The following ITGA9 variants were observed in gnomAD, a reference collection of about 807,000 sequenced individuals.
The protein encoded by ITGA9 is integrin subunit alpha 9, also known as integrin alpha-9.
In ITGA9, 56 loss-of-function variants were observed where a neutral mutation model predicts 127.8. The observed-to-expected ratio is 0.44, with a 90% CI of 0.35 to 0.55. ITGA9 has a LOEUF of 0.55. Among genes scored for constraint, ITGA9 ranks in the 20% least tolerant of loss-of-function variants. The pLI, the probability that ITGA9 is intolerant of heterozygous loss-of-function variation, is 0.00. For missense variants in ITGA9, 1,196 were observed against 1,347.1 expected, an observed-to-expected ratio of 0.89 and a Z score of 1.76; for synonymous variants, 508 against 514.5, an observed-to-expected ratio of 0.99 and a Z score of 0.17.
At chr3:37,500,268 A>G (rs1474234829) in intron 5 of ITGA9, among the ~76,000 whole-genome samples, 1 of 152,192 alleles carries the variant, frequency 6.6e-6, no homozygotes, top group Non-Finnish European at 1.5e-5. Flanking sequence ...TTCCCAGTGG[A>G]GCGTCCTGAC....
chr3:37,523,632 G>A (rs1699065864), intron 12 of ITGA9, 21 bp downstream of exon 12: 1 of 1,521,250 alleles, frequency 6.6e-7, no homozygotes, highest in South Asian at 1.1e-5. Context: ...TTTCTTTAAA[G>A]GCACATGAGA....
At chr3:37,804,153 A>G (rs1250296026) in intron 27 of ITGA9, among the ~76,000 whole-genome samples, 2 of 152,182 alleles carry the variant, frequency 1.3e-5, no homozygotes, top group Admixed American at 6.5e-5. Context: ...AGTGAAGGCA[A>G]AAGTCTCAGT....
chr3:37,630,018 C>T (rs796765916), intron 16 of ITGA9, among the ~76,000 whole-genome samples: 1 of 152,182 alleles, frequency 6.6e-6, no homozygotes, highest in African/African-American at 2.4e-5. Context: ...TTTCTTGAAA[C>T]CCAAGATCAC....
chr3:37,817,791 G>A (rs1697454062), intron 27 of ITGA9, among the ~76,000 whole-genome samples: 1 of 152,154 alleles, frequency 6.6e-6, no homozygotes, highest in South Asian at 2.1e-4. Context: ...CTAGACACTT[G>A]TCTTACCATA....
intron 27 of ITGA9, chr3:37,807,067 AGGAGGAG>A (rs1697307906): frequency 2.6e-5 from 4 of 152,270 alleles, no homozygotes; most frequent in Admixed American, 2.6e-4. Context: ...CTTGCCCCCA[AGGAGGAG>A]GGAGGATTAA....
At chr3:37,647,910 TTATC>T (rs1700394477) in intron 16 of ITGA9, among the ~76,000 whole-genome samples, 1 of 152,156 alleles carries the variant, frequency 6.6e-6, no homozygotes, top group South Asian at 2.1e-4. Flanking sequence ...CACAATTTCT[TTATC>T]CATTCACCTG....
At chr3:37,514,537 G>A (rs1298737016) in intron 9 of ITGA9, among the ~76,000 whole-genome samples, 1 of 152,126 alleles carries the variant, frequency 6.6e-6, no homozygotes, top group Non-Finnish European at 1.5e-5. Flanking sequence ...CAGCATGGGG[G>A]GGCAGGGGAC....
At chr3:37,488,494 T>A (rs1483200955) in intron 4 of ITGA9, among the ~76,000 whole-genome samples, 2 of 152,152 alleles carry the variant, frequency 1.3e-5, no homozygotes, top group African/African-American at 2.4e-5. Context: ...ACTCCTTTTT[T>A]GGTAATATTA....
intron 15 of ITGA9, among the ~76,000 whole-genome samples, chr3:37,561,669 T>C (rs530692650): frequency 7.2e-5 from 11 of 152,206 alleles, no homozygotes; most frequent in Non-Finnish European, 1.5e-4. Flanking sequence ...GGGGTTGCCA[T>C]TCAGCTACTG....
intron 3 of ITGA9, among the ~76,000 whole-genome samples, chr3:37,477,076 A>C (rs1338999577): frequency 6.6e-6 from 1 of 152,208 alleles, no homozygotes; most frequent in Non-Finnish European, 1.5e-5. Context: ...CCCTATTTAC[A>C]TTTGGAGGTC....
rs180693527 is a variant in ITGA9 at position 37,651,201 on chromosome 3, G to C, written c.1840-2513G>C. ...GCCTTTGTTGGATGGAAATTCAGCA[G>C]CACTGGAGGACTAGACAGCTAGAAA... On this transcript the variant is annotated intron_variant, in intron 16 of 27. Transcript: ENST00000264741. Among the ~76,000 whole-genome samples the C allele has an allele frequency of 2.8e-3, 422 of 152,320 alleles. 3 individuals are homozygous for C. Among genetic ancestry groups the C allele is most frequent in the Middle Eastern group, 0.014 (4 of 294 alleles).
At chr3:37,771,213 A>G (rs1172459234) in intron 23 of ITGA9, among the ~76,000 whole-genome samples, 1 of 152,186 alleles carries the variant, frequency 6.6e-6, no homozygotes, top group African/African-American at 2.4e-5. Flanking sequence ...CAGCCAAGGA[A>G]ATGACATTGT....
chr3:37,550,980 G>T (rs564045107), intron 15 of ITGA9, among the ~76,000 whole-genome samples: 1 of 152,252 alleles, frequency 6.6e-6, no homozygotes, highest in East Asian at 1.9e-4. Flanking sequence ...TAATAAGTTG[G>T]TCATATCACT....
intron 25 of ITGA9, among the ~76,000 whole-genome samples, chr3:37,781,538 C>T (rs1194531609): frequency 6.6e-6 from 1 of 152,176 alleles, no homozygotes; most frequent in Non-Finnish European, 1.5e-5. Flanking sequence ...ATTAAAAAAC[C>T]ACCTCAACCA....
At chr3:37,684,920 G>A (rs918479119) in intron 18 of ITGA9, among the ~76,000 whole-genome samples, 40 of 152,040 alleles carry the variant, frequency 2.6e-4, no homozygotes, top group Non-Finnish European at 8.8e-5. Context: ...TAATCATCCC[G>A]AGTGTACCAC....
chr3:37,522,741 G>T (rs1699056914), intron 11 of ITGA9, among the ~76,000 whole-genome samples: 1 of 150,936 alleles, frequency 6.6e-6, no homozygotes, highest in Non-Finnish European at 1.5e-5. Flanking sequence ...AAAAAAAAGA[G>T]AAAGTTTTTT....
chr3:37,494,778 G>A (rs574152526), intron 5 of ITGA9, among the ~76,000 whole-genome samples: 73 of 152,268 alleles, frequency 4.8e-4, no homozygotes, highest in African/African-American at 1.7e-3. Flanking sequence ...GAGGAGGTGG[G>A]GTGGCTCATC....
chr3:37,527,523 G>C (rs1699104993), intron 13 of ITGA9, among the ~76,000 whole-genome samples: 1 of 152,198 alleles, frequency 6.6e-6, no homozygotes, highest in African/African-American at 2.4e-5. Flanking sequence ...ACTTCACTAA[G>C]ATAAGGCCTC....
Position 37,512,205 on chromosome 3 carries a change from T to TTTTC in ITGA9, c.898-1543_898-1540dup, listed in dbSNP as rs200530082. ...TTTTCTTTTCTTTTCTTTTCTTTTC[T>TTTTC]TTTCTTTCTTTCTTTCTTCTTTCTT... On this transcript the variant is annotated intron_variant, in intron 8 of 27. Transcript: ENST00000264741. Among the ~76,000 whole-genome samples, 241 of 79,516 alleles carry TTTTC rather than the reference T, an allele frequency of 3.0e-3. 8 individuals are homozygous for TTTTC. The highest frequency in any genetic ancestry group is 0.011 in the Middle Eastern group (2 of 180). 52.2% of individuals were successfully genotyped at this position (79,516 alleles called of 152,430 possible).
Sources: allele counts gnomAD v4.1 joint callset (sites outside exome capture counted in the v4.1 genomes callset), GRCh38; gene constraint gnomAD v4.1.1; transcripts MANE v1.5; gene names NCBI Gene and HGNC (gene_info 2026-07-23, HGNC 2026-07-21).